The following FRK variants were observed in gnomAD, a reference collection of about 807,000 sequenced individuals.
FRK encodes the protein tyrosine-protein kinase FRK.
FRK carries 51 observed loss-of-function variants against 56.4 expected under a neutral mutation model. The observed-to-expected ratio is 0.90, with a 90% CI of 0.72 to 1.14. The LOEUF is 1.14. FRK is among the 50% of genes most tolerant of loss of function. FRK has a pLI of 0.00. For missense variants in FRK, 570 were observed against 601.4 expected (o/e 0.95, Z 0.55); for synonymous variants, 245 against 217.9 (o/e 1.12, Z -1.10).
At chr6:116,056,629 T>C (rs887500603) in intron 1 of FRK, among the ~76,000 whole-genome samples, 8 of 152,218 alleles carry the variant, frequency 5.3e-5, no homozygotes, top group African/African-American at 1.9e-4. Context: ...TATTTATATG[T>C]TATTTCCACA....
the FRK span, among the ~76,000 whole-genome samples, chr6:116,085,201 A>G: frequency 2.0e-5 from 3 of 152,338 alleles, no homozygotes; most frequent in African/African-American, 7.2e-5. Flanking sequence ...AGTAGGAGCT[A>G]AAATTTTAAA....
At chr6:115,992,921 TTCTA>T (rs1311314352) in intron 2 of FRK, among the ~76,000 whole-genome samples, 1 of 151,800 alleles carries the variant, frequency 6.6e-6, no homozygotes, top group Non-Finnish European at 1.5e-5. Context: ...ATGCATAAAC[TTCTA>T]TCTATTATAT....
Position 115,997,498 on chromosome 6 carries a change from T to A in FRK, c.466+6379A>T, listed in dbSNP as rs529695777. 1.3e-4 allele frequency among the ~76,000 whole-genome samples: 19 copies of A among 151,912 alleles called. No individual in the cohort carries two copies. In the East Asian group the frequency reaches 3.5e-3, roughly 28 times the overall value. ...TTCACTCATATGTGTCTCAAGCACC[T>A]CTGAGATTATTTCCCTTGGTTTCCT... On this transcript the variant is annotated intron_variant, in intron 2 of 7. Transcript: ENST00000606080.
At chr6:116,084,742 G>A in the FRK span, among the ~76,000 whole-genome samples, 1 of 152,088 alleles carries the variant, frequency 6.6e-6, no homozygotes, top group Non-Finnish European at 1.5e-5. Flanking sequence ...TATTGTAAGG[G>A]GCATGGATAC....
intron 1 of FRK, among the ~76,000 whole-genome samples, chr6:116,053,613 G>T (rs1178777407): frequency 6.6e-6 from 1 of 152,142 alleles, no homozygotes; most frequent in South Asian, 2.1e-4. Context: ...TCTTTTCAAA[G>T]AATAAATTTG....
chr6:115,956,985 AACCAGAGACTGAT>A (rs1773023712), intron 4 of FRK, among the ~76,000 whole-genome samples: 1 of 152,204 alleles, frequency 6.6e-6, no homozygotes, highest in Non-Finnish European at 1.5e-5. Context: ...TAATTACTGC[AACCAGAGACTGAT>A]ACCTGCCCTG....
chr6:115,993,189 G>A (rs1774684684), intron 2 of FRK, among the ~76,000 whole-genome samples: 1 of 151,808 alleles, frequency 6.6e-6, no homozygotes. Flanking sequence ...GAGGGAGAAA[G>A]TAAATGTCAC....
intron 1 of FRK, among the ~76,000 whole-genome samples, chr6:116,054,469 A>G (rs1265922779): frequency 7.0e-6 from 1 of 143,652 alleles, no homozygotes; most frequent in Non-Finnish European, 1.5e-5. Context: ...ATATAATATA[A>G]TATATATAAT....
At position 115,936,595 on chromosome 6, in the gene FRK, T is replaced by C. The variant is rs1223972018; in HGVS notation, c.*5819A>G. The C allele has an allele frequency of 6.6e-6, 1 of 152,170 alleles. No individual in the cohort carries two copies. Among genetic ancestry groups the C allele is most frequent in the Non-Finnish European group, 1.5e-5 (1 of 68,036 alleles). The allele number at this position is 152,170 out of a possible 1,614,324, so 9.4% of individuals were successfully genotyped here. A position where few individuals can be genotyped will look rare whatever the true frequency, so the allele number is the denominator to read the frequency against. On this transcript the variant is annotated 3_prime_UTR_variant, in exon 8 of 8. Transcript: ENST00000606080. ...GAACACTGTAAAAAGATTAGAGGAA[T>C]TGCTAACTAGAATAACAAGTATAGA...
the FRK span, among the ~76,000 whole-genome samples, chr6:116,079,166 T>C: frequency 1.5e-4 from 23 of 152,114 alleles, no homozygotes; most frequent in African/African-American, 5.3e-4. Context: ...TAGGCATCTA[T>C]ACTAGATATT....
intron 1 of FRK, among the ~76,000 whole-genome samples, chr6:116,054,455 T>C: frequency 6.9e-6 from 1 of 144,488 alleles, no homozygotes. Flanking sequence ...TTATACTATA[T>C]TATATATAAT....
chr6:116,028,487 G>T (rs185288416), intron 1 of FRK, among the ~76,000 whole-genome samples: 9 of 152,210 alleles, frequency 5.9e-5, no homozygotes, highest in Non-Finnish European at 1.0e-4. Context: ...AGCTCTCAAG[G>T]TTACAAGTCT....
chr6:116,030,496 G>T (rs1232179109), intron 1 of FRK, among the ~76,000 whole-genome samples: 2 of 152,016 alleles, frequency 1.3e-5, no homozygotes, highest in Non-Finnish European at 2.9e-5. Context: ...GTTCTAATGG[G>T]GTAACACATG....
At chr6:115,963,081 A>AC (rs1773446560) in intron 4 of FRK, among the ~76,000 whole-genome samples, 2 of 57,312 alleles carry the variant, frequency 3.5e-5, no homozygotes, top group Non-Finnish European at 7.1e-5. Context: ...ACACAAAAAA[A>AC]CCTTCAAAAA....
chr6:116,010,640 A>T (rs1775428959), intron 1 of FRK, among the ~76,000 whole-genome samples: 1 of 152,216 alleles, frequency 6.6e-6, no homozygotes, highest in Non-Finnish European at 1.5e-5. Context: ...AACAGTTAAG[A>T]GTGACAGCAT....
At chr6:116,031,393 A>G (rs1776299528) in intron 1 of FRK, among the ~76,000 whole-genome samples, 1 of 152,176 alleles carries the variant, frequency 6.6e-6, no homozygotes, top group Non-Finnish European at 1.5e-5. Context: ...TCATTATAAC[A>G]TAACATATTA....
At chr6:116,054,493 T>A (rs572866072) in intron 1 of FRK, among the ~76,000 whole-genome samples, 1 of 142,482 alleles carries the variant, frequency 7.0e-6, no homozygotes, top group Non-Finnish European at 1.5e-5. Flanking sequence ...TAATAGTATA[T>A]TATACTATTA....
At chr6:116,035,366 C>T (rs1420049521) in intron 1 of FRK, among the ~76,000 whole-genome samples, 1 of 151,926 alleles carries the variant, frequency 6.6e-6, no homozygotes, top group Non-Finnish European at 1.5e-5. Flanking sequence ...CACAAATATC[C>T]AATTTCAGTT....
At chr6:116,036,946 A>G (rs1203400560) in intron 1 of FRK, among the ~76,000 whole-genome samples, 1 of 152,194 alleles carries the variant, frequency 6.6e-6, no homozygotes, top group Non-Finnish European at 1.5e-5. Context: ...TGAGCATGCC[A>G]AGAGAAAAAA....
Sources: allele counts gnomAD v4.1 joint callset (sites outside exome capture counted in the v4.1 genomes callset), GRCh38; gene constraint gnomAD v4.1.1; transcripts MANE v1.5; gene names NCBI Gene and HGNC (gene_info 2026-07-23, HGNC 2026-07-21).